UCHL3: variants seen among roughly 807,000 people sequenced by gnomAD.
The protein encoded by UCHL3 is ubiquitin carboxyl-terminal hydrolase isozyme L3.
In UCHL3, 22 loss-of-function variants were observed where a neutral mutation model predicts 35.8. The observed-to-expected ratio is 0.61, with a 90% CI of 0.44 to 0.88. The LOEUF (loss-of-function observed/expected upper bound fraction) is 0.88, where lower values mean the gene tolerates loss of function less well. Among genes scored for constraint, UCHL3 ranks in the 40% least tolerant of loss-of-function variants. The pLI, the probability that UCHL3 is intolerant of heterozygous loss-of-function variation, is 0.00. For synonymous variants in UCHL3, 90 were observed against 92.8 expected (o/e 0.97, Z 0.17); for missense variants, 229 against 276.9 (o/e 0.83, Z 1.23).
chr13:75,580,388 A>G (rs2032145897), intron 6 of UCHL3, among the ~76,000 whole-genome samples: 1 of 152,228 alleles, frequency 6.6e-6, no homozygotes, highest in South Asian at 2.1e-4. Flanking sequence ...TTAAACTCAT[A>G]AAGTTATACA....
intron 7 of UCHL3, chr13:75,604,500 G>T: frequency 3.2e-6 from 1 of 314,466 alleles, no homozygotes. Context: ...ATAATTTTGC[G>T]TATTATTTTC....
chr13:75,578,108 T>C (rs1210925772), intron 6 of UCHL3, among the ~76,000 whole-genome samples: 1 of 152,174 alleles, frequency 6.6e-6, no homozygotes. Context: ...TTAGTACATT[T>C]TAAGAACAGT....
At chr13:75,583,211 G>A (rs2032234230) in intron 6 of UCHL3, among the ~76,000 whole-genome samples, 1 of 152,094 alleles carries the variant, frequency 6.6e-6, no homozygotes, top group Non-Finnish European at 1.5e-5. Flanking sequence ...GCCTTACAAA[G>A]TAGTTTAAAA....
At chr13:75,549,892 G>T (rs2031015732) in intron 1 of UCHL3, 30 bp downstream of exon 1, 1 of 1,613,746 alleles carries the variant, frequency 6.2e-7, no homozygotes, top group Admixed American at 1.7e-5. Flanking sequence ...GCCCTGGGCC[G>T]TGGGCAGGTG....
intron 6 of UCHL3, among the ~76,000 whole-genome samples, chr13:75,581,825 A>C (rs2032196164): frequency 6.6e-6 from 1 of 152,176 alleles, no homozygotes; most frequent in Admixed American, 6.5e-5. Context: ...GTGCATGCAC[A>C]CTAACTGTGA....
intron 6 of UCHL3, among the ~76,000 whole-genome samples, chr13:75,574,921 C>T (rs1306148083): frequency 3.3e-5 from 5 of 152,076 alleles, no homozygotes; most frequent in Non-Finnish European, 7.4e-5. Flanking sequence ...GTAGTTAGAA[C>T]CCTGAGAATT....
chr13:75,568,057 C>T (rs2031740181), intron 5 of UCHL3, among the ~76,000 whole-genome samples: 1 of 152,056 alleles, frequency 6.6e-6, no homozygotes, highest in Non-Finnish European at 1.5e-5. Flanking sequence ...GCCACATAAA[C>T]TAGGCTATAT....
chr13:75,591,090 A>G (rs1276947747), intron 6 of UCHL3, among the ~76,000 whole-genome samples: 1 of 152,194 alleles, frequency 6.6e-6, no homozygotes, highest in Non-Finnish European at 1.5e-5. Context: ...TTTTGAAGCC[A>G]GAGGAGGAAG....
Position 75,573,590 on chromosome 13 carries a change from G to A in UCHL3, c.474+4083G>A, listed in dbSNP as rs572790239. On this transcript the variant is annotated intron_variant, in intron 6 of 8. Transcript: ENST00000377595. ...TTCTCACTGTAGCCTTACCTGGCCT[G>A]TCCTGTGTATTCATATGGAGGGGGT... 3.9e-5 allele frequency among the ~76,000 whole-genome samples: 6 copies of A among 152,280 alleles called. No individual in the cohort carries two copies. In the East Asian group the frequency reaches 1.2e-3, roughly 29 times the overall value.
At chr13:75,574,565 CA>C (rs1385535971) in intron 6 of UCHL3, among the ~76,000 whole-genome samples, 2 of 152,090 alleles carry the variant, frequency 1.3e-5, no homozygotes, top group African/African-American at 4.8e-5. Context: ...TTCTTCAGCA[CA>C]AAATAGAAAT....
chr13:75,571,972 A>C (rs1484777762), intron 6 of UCHL3, among the ~76,000 whole-genome samples: 1 of 72,022 alleles, frequency 1.4e-5, no homozygotes, highest in African/African-American at 8.0e-5. Flanking sequence ...AAGTTTTCCT[A>C]ACCCTGTCTT....
chr13:75,591,452 G>A (rs1488189516), intron 6 of UCHL3, among the ~76,000 whole-genome samples: 1 of 152,134 alleles, frequency 6.6e-6, no homozygotes, highest in Non-Finnish European at 1.5e-5. Flanking sequence ...TCCTAAAGGT[G>A]TAAATTCTGA....
upstream of UCHL3, chr13:75,549,640 AC>A (rs754323498): frequency 5.6e-5 from 31 of 551,852 alleles, no homozygotes; most frequent in Non-Finnish European, 8.7e-5. Context: ...ATGACACTTG[AC>A]CTACGGCCCT....
At chr13:75,579,665 T>C (rs8192751) in intron 6 of UCHL3, among the ~76,000 whole-genome samples, 66,979 of 151,932 alleles carry the variant, frequency 0.44, 16,285 homozygotes, top group East Asian at 0.63. Flanking sequence ...GGAAAATTCT[T>C]AGACCGAACT....
intron 2 of UCHL3, among the ~76,000 whole-genome samples, chr13:75,559,406 ATTC>A (rs1566209892): frequency 6.6e-6 from 1 of 152,172 alleles, no homozygotes; most frequent in African/African-American, 2.4e-5. Flanking sequence ...TGCTGAACAC[ATTC>A]TTCTAAGAAA....
At chr13:75,571,500 T>C (rs988736797) in intron 6 of UCHL3, among the ~76,000 whole-genome samples, 9 of 152,224 alleles carry the variant, frequency 5.9e-5, no homozygotes, top group African/African-American at 1.9e-4. Context: ...TTTCTTACAA[T>C]AGTTCCACCA....
chr13:75,584,442 T>A (rs1002560011), intron 6 of UCHL3, among the ~76,000 whole-genome samples: 1 of 152,168 alleles, frequency 6.6e-6, no homozygotes, highest in African/African-American at 2.4e-5. Flanking sequence ...TTTAAACCAA[T>A]GGTATTCTCA....
chr13:75,574,893 G>C (rs2031974698), intron 6 of UCHL3, among the ~76,000 whole-genome samples: 1 of 152,188 alleles, frequency 6.6e-6, no homozygotes, highest in Non-Finnish European at 1.5e-5. Flanking sequence ...GATATCTGGA[G>C]TCTTTGGTAT....
chr13:75,552,178 G>A (rs969486355), intron 2 of UCHL3, among the ~76,000 whole-genome samples: 3 of 152,180 alleles, frequency 2.0e-5, no homozygotes, highest in Non-Finnish European at 2.9e-5. Context: ...TTTAGTGGGA[G>A]AATGGGCAAG....
Sources: gnomAD v4.1 joint callset for allele counts (sites outside exome capture counted in the v4.1 genomes callset) on GRCh38, gnomAD v4.1.1 for gene constraint, MANE v1.5 for transcripts, NCBI Gene and HGNC (gene_info 2026-07-23, HGNC 2026-07-21) for gene names.